TENM2: variants seen among roughly 807,000 people sequenced by gnomAD.
TENM2 encodes teneurin transmembrane protein 2, also known as teneurin-2.
In TENM2, 52 loss-of-function variants were observed where a neutral mutation model predicts 245.2. The ratio of observed to expected loss-of-function variants is 0.21; its 90% CI spans 0.17 to 0.27. The LOEUF is 0.27. Ranked by LOEUF, TENM2 falls within the 10% of genes least tolerant of loss-of-function variation. TENM2 has a pLI of 1.00. For synonymous variants in TENM2, 1,363 were observed against 1,438.9 expected, an observed-to-expected ratio of 0.95 and a Z score of 1.19; for missense variants, 3,046 against 3,666.8, an observed-to-expected ratio of 0.83 and a Z score of 4.37.
At chr5:167,643,814 C>T (rs978486242) in intron 2 of TENM2, among the ~76,000 whole-genome samples, 14 of 152,258 alleles carry the variant, frequency 9.2e-5, no homozygotes, top group Non-Finnish European at 1.5e-4. Context: ...TCTAGGCATT[C>T]ATTTGGAGGG....
At chr5:167,502,331 A>C (rs762419280) in intron 2 of TENM2, among the ~76,000 whole-genome samples, 5 of 152,190 alleles carry the variant, frequency 3.3e-5, no homozygotes, top group Non-Finnish European at 5.9e-5. Context: ...TCAGGAACTA[A>C]TAGAATGAAT....
chr5:167,360,951 G>A (rs1465232705), intron 1 of TENM2, among the ~76,000 whole-genome samples: 1 of 152,134 alleles, frequency 6.6e-6, no homozygotes, highest in Non-Finnish European at 1.5e-5. Context: ...AAGTGCGTGG[G>A]TTTCCTGACA....
chr5:167,506,493 A>G (rs1440228819), intron 2 of TENM2, among the ~76,000 whole-genome samples: 5 of 152,160 alleles, frequency 3.3e-5, no homozygotes, highest in African/African-American at 1.2e-4. Context: ...AAGGAAAATA[A>G]TTTGGTATCT....
At chr5:168,240,214 T>C (rs1347987954) in intron 25 of TENM2, among the ~76,000 whole-genome samples, 2 of 152,202 alleles carry the variant, frequency 1.3e-5, no homozygotes, top group African/African-American at 4.8e-5. Context: ...AGCGAGACTC[T>C]GTCTCAAACA....
intron 1 of TENM2, among the ~76,000 whole-genome samples, chr5:167,359,527 T>A (rs985730682): frequency 6.6e-6 from 1 of 152,172 alleles, no homozygotes; most frequent in Non-Finnish European, 1.5e-5. Flanking sequence ...TTTTTTCTTT[T>A]CATAGTACCT....
the TENM2 span, among the ~76,000 whole-genome samples, chr5:167,030,523 A>G: frequency 6.6e-6 from 1 of 152,054 alleles, no homozygotes; most frequent in African/African-American, 2.4e-5. Context: ...ACCTAGTCCT[A>G]CAGACATACT....
intron 2 of TENM2, among the ~76,000 whole-genome samples, chr5:167,623,781 AT>A (rs1561611753): frequency 1.3e-5 from 2 of 152,072 alleles, no homozygotes; most frequent in African/African-American, 4.8e-5. Flanking sequence ...TCCTTTTTAA[AT>A]TTTTTTCCCA....
At chr5:167,769,404 G>T (rs1763253241) in intron 2 of TENM2, among the ~76,000 whole-genome samples, 1 of 152,100 alleles carries the variant, frequency 6.6e-6, no homozygotes, top group African/African-American at 2.4e-5. Flanking sequence ...CATCATTTTG[G>T]ACACTGGGGC....
chr5:168,103,618 G>T (rs544540166), intron 9 of TENM2, among the ~76,000 whole-genome samples: 1 of 152,106 alleles, frequency 6.6e-6, no homozygotes, highest in Non-Finnish European at 1.5e-5. Flanking sequence ...TTTTTAGCAA[G>T]ATGCTATGCC....
chr5:167,784,412 T>G (rs1008646414), intron 2 of TENM2, among the ~76,000 whole-genome samples: 2 of 152,222 alleles, frequency 1.3e-5, no homozygotes, highest in African/African-American at 4.8e-5. Flanking sequence ...CTTCCTCCTC[T>G]TCTGTGATTA....
At chr5:167,237,748 C>T in the TENM2 span, among the ~76,000 whole-genome samples, 3 of 152,094 alleles carry the variant, frequency 2.0e-5, no homozygotes, top group Non-Finnish European at 4.4e-5. Context: ...GGCCCGATGG[C>T]TCACGCCTAA....
chr5:167,780,876 T>C (rs905200327), intron 2 of TENM2, among the ~76,000 whole-genome samples: 10 of 152,232 alleles, frequency 6.6e-5, no homozygotes, highest in African/African-American at 9.6e-5. Flanking sequence ...CCAACTACAC[T>C]TACATAACAC....
chr5:167,084,884 G>A, the TENM2 span, among the ~76,000 whole-genome samples: 2 of 152,032 alleles, frequency 1.3e-5, no homozygotes, highest in Non-Finnish European at 2.9e-5. Flanking sequence ...AAAATACTAC[G>A]ATACATACAT....
intron 2 of TENM2, among the ~76,000 whole-genome samples, chr5:167,874,570 C>T (rs186092641): frequency 6.6e-6 from 1 of 152,282 alleles, no homozygotes; most frequent in African/African-American, 2.4e-5. Context: ...TCCTTCCTTC[C>T]ACACCCCCAG....
At chr5:167,403,543 G>T (rs756247457) in intron 2 of TENM2, among the ~76,000 whole-genome samples, 1 of 151,976 alleles carries the variant, frequency 6.6e-6, no homozygotes, top group Non-Finnish European at 1.5e-5. Context: ...TGAACGTATG[G>T]GTCATGGTAG....
At position 168,218,935 on chromosome 5, in the gene TENM2, T is replaced by C. The variant is rs1192201563; in HGVS notation, c.5044T>C (p.Tyr1682His). ...GAACCTGGAGCTTGGTCTCATGACC[T>C]ATGATGGCAACACTGGGCTCCTGGC... The change falls in exon 23 of 29, where the codon TAT (tyrosine) becomes CAT (histidine). Residue 1682 changes from tyrosine (Y) to histidine (H), a missense_variant. By Grantham distance (83) the Tyr-to-His change is moderately conservative (BLOSUM62 2). This residue lies in a region of TENM2 where 2,704 missense variants were observed against 3,331.9 expected (regional missense o/e 0.81). Transcript: ENST00000518659. The surrounding 1 kb of genome is among the most constrained non-coding windows in gnomAD (Gnocchi z 5.2). The C allele has an allele frequency of 1.2e-6, 2 of 1,614,022 alleles. No individual in the cohort carries two copies.
rs142510777 is a variant in TENM2, at chr5:167,542,040, G to A, written c.502+166567G>A. ...GTACTCAACATGCCTACTCAGTCTG[G>A]AAGTATCCTGGGCAGTGGGCAAGTT... On this transcript the variant is annotated intron_variant, in intron 2 of 28. Transcript: ENST00000518659. Among the ~76,000 whole-genome samples, 339 of 152,186 alleles carry A rather than the reference G, an allele frequency of 2.2e-3. 1 individual carries two copies. Among genetic ancestry groups the A allele is most frequent in the Admixed American group, 6.0e-3 (91 of 15,280 alleles).
intron 1 of TENM2, among the ~76,000 whole-genome samples, chr5:167,333,736 G>A (rs1757594069): frequency 6.6e-6 from 1 of 152,100 alleles, no homozygotes; most frequent in Admixed American, 6.5e-5. Flanking sequence ...AACATGACAG[G>A]GAAGGTATGT....
chr5:167,128,844 G>A, the TENM2 span, among the ~76,000 whole-genome samples: 2 of 152,158 alleles, frequency 1.3e-5, no homozygotes, highest in Non-Finnish European at 2.9e-5. Flanking sequence ...AGTGTCCTAT[G>A]TGTGCCCTGG....
Sources: gnomAD v4.1 joint callset for allele counts (sites outside exome capture counted in the v4.1 genomes callset) on GRCh38, gnomAD v4.1.1 for gene constraint, gnomAD v4.1.1 regional missense constraint, Gnocchi (gnomAD v3.1) non-coding constraint, MANE v1.5 for transcripts, NCBI Gene and HGNC (gene_info 2026-07-23, HGNC 2026-07-21) for gene names.